Variants in MINDY2 observed in about 807,000 individuals in gnomAD.
MINDY2 encodes ubiquitin carboxyl-terminal hydrolase MINDY-2.
A neutral mutation model predicts 68.2 loss-of-function variants in MINDY2; 52 were observed. The observed-to-expected ratio is 0.76, with a 90% CI of 0.61 to 0.96. The LOEUF (loss-of-function observed/expected upper bound fraction) is 0.96. MINDY2 is among the 40% of genes least tolerant of loss of function. MINDY2 has a pLI of 0.00. For missense variants in MINDY2, 881 were observed against 773.4 expected, an observed-to-expected ratio of 1.14 and a Z score of -1.65; for synonymous variants, 372 against 303.0, an observed-to-expected ratio of 1.23 and a Z score of -2.36.
At chr15:58,840,046 C>T (rs1298679468) in intron 6 of MINDY2, among the ~76,000 whole-genome samples, 2 of 152,228 alleles carry the variant, frequency 1.3e-5, no homozygotes, top group African/African-American at 4.8e-5. Flanking sequence ...ATTGCCCAGC[C>T]TAGTCTCGAA....
chr15:58,799,305 C>A (rs1439579698), intron 2 of MINDY2, among the ~76,000 whole-genome samples: 4 of 152,172 alleles, frequency 2.6e-5, no homozygotes, highest in African/African-American at 9.7e-5. Context: ...CGGTGGCTCA[C>A]GCCTGTAATC....
chr15:58,850,305 G>T (rs545103358), intron 7 of MINDY2, among the ~76,000 whole-genome samples: 2 of 152,166 alleles, frequency 1.3e-5, no homozygotes, highest in Non-Finnish European at 2.9e-5. Flanking sequence ...TCTTTTAGAA[G>T]AATATTTAAT....
intron 6 of MINDY2, among the ~76,000 whole-genome samples, chr15:58,841,211 G>A (rs2032266928): frequency 6.6e-6 from 1 of 150,936 alleles, no homozygotes; most frequent in African/African-American, 2.4e-5. Context: ...TTGAACTCCT[G>A]ACCTCAAGTG....
chr15:58,849,581 A>G (rs1490731024), intron 7 of MINDY2, among the ~76,000 whole-genome samples: 3 of 152,156 alleles, frequency 2.0e-5, no homozygotes, highest in African/African-American at 7.2e-5. Flanking sequence ...AGGTGTTGAG[A>G]TTGTTATCTG....
intron 3 of MINDY2, among the ~76,000 whole-genome samples, chr15:58,805,346 T>G (rs1203858984): frequency 6.6e-6 from 1 of 152,180 alleles, no homozygotes; most frequent in Non-Finnish European, 1.5e-5. Context: ...CAAACCTAAT[T>G]TTAGAAAGAC....
At chr15:58,791,215 T>TTATATATATACATATATA (rs1901873441) in intron 2 of MINDY2, among the ~76,000 whole-genome samples, 1 of 79,586 alleles carries the variant, frequency 1.3e-5, no homozygotes, top group Non-Finnish European at 3.2e-5. Flanking sequence ...GAAAGCAATT[T>TTATATATATACATATATA]TATATATATA....
At chr15:58,791,844 G>A (rs1901964263) in intron 2 of MINDY2, among the ~76,000 whole-genome samples, 1 of 151,966 alleles carries the variant, frequency 6.6e-6, no homozygotes, top group Non-Finnish European at 1.5e-5. Context: ...ATTAAGGGAA[G>A]GAATGTAGTA....
chr15:58,847,585 T>A, intron 7 of MINDY2, 115 bp downstream of exon 7: 2 of 821,808 alleles, frequency 2.4e-6, no homozygotes, highest in Non-Finnish European at 3.6e-6. Context: ...CTTGTGAAAT[T>A]TTCCTGACAC....
Position 58,771,545 on chromosome 15 carries a change from C to A in MINDY2, c.150C>A (p.Gly50=). ...GGGTATGGGCGGCGGAGACCAGCGGCGGGAATGGGCTGGGGGCGGCGGCCG... is the reference window on the plus strand; with the variant it reads ...GGGTATGGGCGGCGGAGACCAGCGGAGGGAATGGGCTGGGGGCGGCGGCCG... ...GPGVWAAETS[G]GNGLGAAAAR... is the part of the protein sequence containing the mutation. Residue 50 remains glycine, a synonymous_variant, in exon 1 of 9, where the codon GGC becomes GGA. Transcript: ENST00000559228. 6.2e-7 allele frequency: 1 copy of A among 1,611,454 alleles called. No individual in the cohort carries two copies. The highest frequency in any genetic ancestry group is 8.5e-7 in the Non-Finnish European group (1 of 1,179,514).
intron 2 of MINDY2, among the ~76,000 whole-genome samples, chr15:58,792,529 C>T (rs1567044610): frequency 6.6e-6 from 1 of 152,138 alleles, no homozygotes; most frequent in African/African-American, 2.4e-5. Context: ...TCGCTTGAAC[C>T]CGGGAGGCGG....
rs2033027995 is a variant in MINDY2, at chr15:58,855,445, A to G, written c.*835A>G. ...GCACAGTGGATGCTAGGCTTTGTAA[A>G]TATGGGGATGTAGAAAAGCAGATAG... is the stretch of plus-strand genomic sequence containing the variant. On this transcript the variant is annotated 3_prime_UTR_variant, in exon 9 of 9. Transcript: ENST00000559228. 6.6e-6 allele frequency: 1 copy of G among 152,620 alleles called. No individual in the cohort carries two copies. Among genetic ancestry groups the G allele is most frequent in the African/African-American group, 2.4e-5 (1 of 41,446 alleles). The allele number at this position is 152,620 out of a possible 1,614,324, so 9.5% of individuals were successfully genotyped here.
chr15:58,792,701 A>G (rs1485946286), intron 2 of MINDY2, among the ~76,000 whole-genome samples: 1 of 152,234 alleles, frequency 6.6e-6, no homozygotes, highest in African/African-American at 2.4e-5. Context: ...GAGCAGATAA[A>G]TATAGATTTG....
At chr15:58,853,898 A>C (rs1374806652) in intron 8 of MINDY2, among the ~76,000 whole-genome samples, 1 of 151,940 alleles carries the variant, frequency 6.6e-6, no homozygotes, top group East Asian at 1.9e-4. Context: ...GTTTATCAAA[A>C]GGTGTCACTT....
At chr15:58,776,339 T>A (rs1475946967) in intron 1 of MINDY2, among the ~76,000 whole-genome samples, 2 of 151,906 alleles carry the variant, frequency 1.3e-5, no homozygotes, top group Admixed American at 1.3e-4. Context: ...CCCTACCTCA[T>A]TCTCCAGGAG....
chr15:58,842,599 C>T lies in MINDY2; in HGVS notation c.1369-4698C>T, dbSNP rs2032334881. 2.0e-5 allele frequency among the ~76,000 whole-genome samples: 3 copies of T among 152,158 alleles called. 1 individual carries two copies. Among genetic ancestry groups the T allele is most frequent in the South Asian group, 4.1e-4 (2 of 4,824 alleles). Reference sequence around the variant, plus strand: ...AACTGGAATAAGGAAAGTGATGATTCCATAGTACAAGCAGAGAGATTCATC... The same window carrying T: ...AACTGGAATAAGGAAAGTGATGATTTCATAGTACAAGCAGAGAGATTCATC... On this transcript the variant is annotated intron_variant, in intron 6 of 8. Transcript: ENST00000559228.
In MINDY2 at chr15:58,771,424, C is replaced by T. The variant is rs1281977569; in HGVS notation, c.29C>T (p.Pro10Leu). 1.2e-6 allele frequency: 2 copies of T among 1,611,710 alleles called. No homozygotes were observed. Among genetic ancestry groups the T allele is most frequent in the Non-Finnish European group, 1.7e-6 (2 of 1,179,582 alleles). ...GAGAGCAGCCCCGAGAGCCTGCAGC[C>T]GCTAGAACACGGGGTGGCGGCCGGG... Reference protein sequence around the residue: MESSPESLQPLEHGVAAGPA... With the variant: MESSPESLQLLEHGVAAGPA... Residue 10 changes from proline to leucine, a missense_variant, in exon 1 of 9, where the codon CCG (proline) becomes CTG (leucine). By Grantham distance (98) the Pro-to-Leu change is moderately conservative. Coordinates refer to ENST00000559228, the MANE Select transcript of MINDY2 (RefSeq NM_001040450.3).
intron 3 of MINDY2, among the ~76,000 whole-genome samples, 200 bp from the exon 4 acceptor site, chr15:58,810,030 G>A (rs2030118404): frequency 6.6e-6 from 1 of 152,164 alleles, no homozygotes; most frequent in Non-Finnish European, 1.5e-5. Context: ...GCCCACCTCA[G>A]TGTCTGTTTT....
At chr15:58,815,971 C>T (rs2030660318) in intron 4 of MINDY2, among the ~76,000 whole-genome samples, 1 of 152,222 alleles carries the variant, frequency 6.6e-6, no homozygotes, top group Non-Finnish European at 1.5e-5. Context: ...AGCCACCACG[C>T]CCAGCCAAAA....
At position 58,771,602 on chromosome 15, in the gene MINDY2, C is replaced by A. The variant is rs372488999; in HGVS notation, c.207C>A (p.Pro69=). ...ARRSLPDSAS[P]AGSPEVPGPC... The stretch of plus-strand genomic sequence containing the variant: ...GGAGCCTCCCGGACTCGGCTTCTCC[C>A]GCGGGCTCTCCTGAGGTTCCCGGAC... Residue 69 remains proline, a synonymous_variant, in exon 1 of 9, where the codon CCC becomes CCA. Transcript: ENST00000559228. 1.2e-6 allele frequency: 2 copies of A among 1,611,936 alleles called. No homozygotes were observed.
Sources: allele counts gnomAD v4.1 joint callset (sites outside exome capture counted in the v4.1 genomes callset), GRCh38; gene constraint gnomAD v4.1.1; transcripts MANE v1.5; gene names NCBI Gene and HGNC (gene_info 2026-07-23, HGNC 2026-07-21).